The following SARNP variants were observed in gnomAD, a reference collection of about 807,000 sequenced individuals.
SARNP encodes the protein SAP domain containing ribonucleoprotein, also known as SAP domain-containing ribonucleoprotein.
In SARNP, 5 loss-of-function variants were observed where a neutral mutation model predicts 38.1. That is an observed-to-expected ratio of 0.13 (90% CI 0.07 to 0.28). The LOEUF (loss-of-function observed/expected upper bound fraction) is 0.28. Ranked by LOEUF, SARNP falls within the 10% of genes least tolerant of loss-of-function variation. The probability of loss-of-function intolerance (pLI) is 1.00; values close to 1 mark genes in which losing one functional copy is unlikely to be tolerated. For missense variants in SARNP, 180 were observed against 243.9 expected (o/e 0.74, Z 1.75); for synonymous variants, 84 against 80.6 (o/e 1.04, Z -0.23).
chr12:55,798,633 C>A (rs1008269666), intron 4 of SARNP, among the ~76,000 whole-genome samples: 3 of 152,070 alleles, frequency 2.0e-5, no homozygotes, highest in African/African-American at 7.2e-5. Context: ...TAGAAAAGGA[C>A]ATGCAGAACT....
chr12:55,754,460 C>T (rs557231072), downstream of SARNP: 1 of 152,298 alleles, frequency 6.6e-6, no homozygotes, highest in East Asian at 1.9e-4. Context: ...GCAGGAAAAT[C>T]AATGCTCCAA....
intron 9 of SARNP, among the ~76,000 whole-genome samples, chr12:55,784,472 C>T (rs1202553584): frequency 6.6e-6 from 1 of 152,200 alleles, no homozygotes; most frequent in Non-Finnish European, 1.5e-5. Flanking sequence ...AACTAGAACG[C>T]TAAGTTCTAG....
intron 9 of SARNP, among the ~76,000 whole-genome samples, chr12:55,779,443 T>G (rs890622874): frequency 2.6e-5 from 4 of 152,218 alleles, no homozygotes; most frequent in Non-Finnish European, 4.4e-5. Flanking sequence ...CTTGAGTATA[T>G]TTGAATAGAA....
chr12:55,805,858 A>G (rs1880123323), intron 1 of SARNP, among the ~76,000 whole-genome samples: 1 of 151,766 alleles, frequency 6.6e-6, no homozygotes, highest in African/African-American at 2.4e-5. Context: ...AAAATAAATA[A>G]AAATAAAAAT....
At chr12:55,808,147 T>C (rs1880212079) in intron 1 of SARNP, among the ~76,000 whole-genome samples, 1 of 152,170 alleles carries the variant, frequency 6.6e-6, no homozygotes, top group Admixed American at 6.5e-5. Context: ...TCTTCTCATA[T>C]ACTAGGACGT....
intron 9 of SARNP, among the ~76,000 whole-genome samples, chr12:55,774,570 AAAAAC>A (rs1879110688): frequency 1.4e-5 from 1 of 71,304 alleles, no homozygotes. Context: ...AAAAAAAAAA[AAAAAC>A]AAACAAAAAA....
At chr12:55,783,822 G>A (rs1879410020) in intron 9 of SARNP, among the ~76,000 whole-genome samples, 1 of 152,038 alleles carries the variant, frequency 6.6e-6, no homozygotes, top group Non-Finnish European at 1.5e-5. Context: ...GCTGCGCACA[G>A]TGGCTAACAC....
At chr12:55,773,559 A>G (rs1879073525) in intron 9 of SARNP, among the ~76,000 whole-genome samples, 1 of 152,236 alleles carries the variant, frequency 6.6e-6, no homozygotes, top group African/African-American at 2.4e-5. Context: ...TACAGAAAGA[A>G]CGTGCCAAAA....
intron 1 of SARNP, chr12:55,815,882 C>T (rs895635370): frequency 1.3e-5 from 2 of 152,158 alleles, no homozygotes; most frequent in African/African-American, 4.8e-5. Flanking sequence ...GGAGAGGGTC[C>T]ATACCTTTCA....
At chr12:55,766,595 A>G (rs912575284) in intron 9 of SARNP, among the ~76,000 whole-genome samples, 1 of 104,878 alleles carries the variant, frequency 9.5e-6, no homozygotes. Context: ...CATAGTCTAT[A>G]TATTTTGTGG....
At chr12:55,794,957 TAAAAAAAAAAAAAA>T (rs373511418) in intron 5 of SARNP, 77 bp from the exon 6 acceptor site, 8 of 145,412 alleles carry the variant, frequency 5.5e-5, no homozygotes, top group South Asian at 1.0e-4. Flanking sequence ...TAGGTATCTT[TAAAAAAAAAAAAAA>T]AAAAAAAAAA....
In SARNP at chr12:55,782,624, T is replaced by C. The variant is rs185258829; in HGVS notation, c.501+6451A>G. On this transcript the variant is annotated intron_variant, in intron 9 of 10. Transcript: ENST00000336133. ...TTTAGGGAGATGGGGTCTCACTCCA[T>C]CACTCAGGCTGGTGTGCAGTGGTAT... 1.6e-3 allele frequency among the ~76,000 whole-genome samples: 237 copies of C among 152,230 alleles called. 3 individuals are homozygous for C. The highest frequency in any genetic ancestry group is 5.3e-3 in the African/African-American group (219 of 41,554).
chr12:55,774,036 G>A (rs1458814636), intron 9 of SARNP, among the ~76,000 whole-genome samples: 3 of 149,486 alleles, frequency 2.0e-5, no homozygotes, highest in Non-Finnish European at 3.0e-5. Flanking sequence ...AGAGTCTCTC[G>A]CTCTGTCACC....
intron 7 of SARNP, among the ~76,000 whole-genome samples, chr12:55,791,452 T>C (rs1225785221): frequency 6.6e-6 from 1 of 152,230 alleles, no homozygotes; most frequent in East Asian, 1.9e-4. Flanking sequence ...CCCAGCACTT[T>C]TGGAGGCCAA....
chr12:55,753,287 G>A (rs934146748), downstream of SARNP: 2 of 152,138 alleles, frequency 1.3e-5, no homozygotes, highest in Non-Finnish European at 2.9e-5. Context: ...TTTCCTCAAC[G>A]AAGTTTGACA....
intron 1 of SARNP, among the ~76,000 whole-genome samples, chr12:55,817,187 A>G (rs895685365): frequency 2.4e-4 from 36 of 152,270 alleles, no homozygotes; most frequent in African/African-American, 8.2e-4. Flanking sequence ...AGGGGAGTGG[A>G]AGTATTTTCT....
chr12:55,761,063 G>A (rs978596313), intron 9 of SARNP, among the ~76,000 whole-genome samples: 2 of 152,024 alleles, frequency 1.3e-5, no homozygotes, highest in African/African-American at 4.8e-5. Flanking sequence ...TGTAATCCCA[G>A]CTACTAGGGA....
chr12:55,789,080 T>C lies in SARNP; in HGVS notation c.496A>G (p.Arg166Gly). 6.9e-6 allele frequency: 11 copies of C among 1,602,908 alleles called. No homozygotes were observed. The highest frequency in any genetic ancestry group is 8.5e-6 in the Non-Finnish European group (10 of 1,173,338). The change falls in exon 9 of 11, where the codon AGA becomes GGA. Residue 166 changes from arginine (R) to glycine (G), a missense_variant. Arg to Gly is a moderately radical substitution (Grantham distance 125, BLOSUM62 -2). Coordinates refer to ENST00000336133, the MANE Select transcript of SARNP (RefSeq NM_033082.4). ...RFGLNVSSIS[R>G]KSEDDEKLKK... ...TTCCATCGAGCCTACATTACCTTTC[T>C]GGAGATTGAAGAGACATTCAAACCA... is the stretch of plus-strand genomic sequence containing the variant.
At position 55,777,140 on chromosome 12, in the gene SARNP, C is replaced by T. The variant is rs374910641; in HGVS notation, c.501+11935G>A. ...TTTTTCTTACTACAAATTTCTTTAC[C>T]TGAAGTTCTTCAGGTGCAAATTCAA... On this transcript the variant is annotated intron_variant, in intron 9 of 10. Transcript: ENST00000336133. 1.7e-4 allele frequency among the ~76,000 whole-genome samples: 26 copies of T among 152,188 alleles called. No homozygotes were observed. The East Asian group carries it at 4.2e-3, about 25-fold the overall frequency.
Sources: gnomAD v4.1 joint callset for allele counts (sites outside exome capture counted in the v4.1 genomes callset) on GRCh38, gnomAD v4.1.1 for gene constraint, MANE v1.5 for transcripts, NCBI Gene and HGNC (gene_info 2026-07-23, HGNC 2026-07-21) for gene names.